Variants in DLG2 observed in about 807,000 individuals in gnomAD.
DLG2 encodes the protein disks large homolog 2.
Under a neutral mutation model 132.5 loss-of-function variants are expected in DLG2, and 45 were observed. The ratio of observed to expected loss-of-function variants is 0.34; its 90% CI spans 0.27 to 0.44. DLG2 has a LOEUF of 0.44. Ranked by LOEUF, DLG2 falls within the 20% of genes least tolerant of loss-of-function variation. DLG2 has a pLI of 1.00. For synonymous variants in DLG2, 424 were observed against 419.6 expected, an observed-to-expected ratio of 1.01 and a Z score of -0.13; for missense variants, 1,045 against 1,196.9, an observed-to-expected ratio of 0.87 and a Z score of 1.87.
At chr11:84,868,651 T>TG in intron 6 of DLG2, among the ~76,000 whole-genome samples, 1 of 152,108 alleles carries the variant, frequency 6.6e-6, no homozygotes, top group East Asian at 1.9e-4. Flanking sequence ...GGCAGGAACT[T>TG]CTCAGTCTCA....
intron 6 of DLG2, among the ~76,000 whole-genome samples, chr11:84,996,892 T>C (rs983127332): frequency 2.6e-5 from 4 of 152,128 alleles, no homozygotes; most frequent in Non-Finnish European, 5.9e-5. Context: ...ATAGGACATG[T>C]TATTTATAAA....
chr11:84,178,494 T>G (rs2096031265), intron 8 of DLG2, among the ~76,000 whole-genome samples: 2 of 152,222 alleles, frequency 1.3e-5, no homozygotes, highest in South Asian at 4.1e-4. Context: ...ATGTGAGACC[T>G]TGCACACATG....
At chr11:84,568,177 G>A (rs939456325) in intron 6 of DLG2, among the ~76,000 whole-genome samples, 1 of 152,162 alleles carries the variant, frequency 6.6e-6, no homozygotes, top group African/African-American at 2.4e-5. Context: ...GGATCTTGGT[G>A]GTACTTCTGT....
intron 6 of DLG2, among the ~76,000 whole-genome samples, chr11:84,667,499 T>TTTTG (rs1389754464): frequency 0.13 from 840 of 6,590 alleles, 8 homozygotes; most frequent in African/African-American, 0.22. Context: ...TTGTTTTTTG[T>TTTTG]TTTTTTTTTT....
chr11:83,930,052 A>G (rs1394118941), intron 15 of DLG2, among the ~76,000 whole-genome samples: 1 of 152,234 alleles, frequency 6.6e-6, no homozygotes, highest in Non-Finnish European at 1.5e-5. Flanking sequence ...CTGGAAAAAT[A>G]TAATGAATGC....
chr11:84,975,681 C>T (rs2054800698), intron 6 of DLG2, among the ~76,000 whole-genome samples: 1 of 152,084 alleles, frequency 6.6e-6, no homozygotes. Flanking sequence ...ACTGCTACTC[C>T]CTATTAAGAA....
intron 3 of DLG2, among the ~76,000 whole-genome samples, chr11:85,502,418 T>A (rs1260342274): frequency 2.0e-5 from 3 of 149,486 alleles, no homozygotes; most frequent in South Asian, 2.1e-4. Context: ...ACTTAAAGTA[T>A]AATAAAAAGA....
intron 9 of DLG2, among the ~76,000 whole-genome samples, chr11:84,131,352 G>T (rs1156421161): frequency 6.6e-6 from 1 of 151,930 alleles, no homozygotes; most frequent in African/African-American, 2.4e-5. Context: ...AAGTAGGTCT[G>T]AGCCCTTTGA....
intron 7 of DLG2, among the ~76,000 whole-genome samples, chr11:84,374,401 T>A (rs1307205392): frequency 6.6e-6 from 1 of 152,248 alleles, no homozygotes; most frequent in Non-Finnish European, 1.5e-5. Flanking sequence ...GCCCACAGGC[T>A]GCATGCAGTC....
rs1418276527 is a variant in DLG2, at chr11:83,890,387, C to A, written c.1497-15899G>T. On this transcript the variant is annotated intron_variant, in intron 15 of 27. Transcript: ENST00000376104. ...TCAGAAATGTGGTCTTTCCCCCATG[C>A]TCATAATGAACTCAGTGGCCCTAGA... 2.6e-5 allele frequency among the ~76,000 whole-genome samples: 4 copies of A among 152,046 alleles called. No individual in the cohort carries two copies. The East Asian group carries it at 5.8e-4, about 22-fold the overall frequency.
chr11:84,475,061 C>G (rs1285392614), intron 7 of DLG2, among the ~76,000 whole-genome samples: 3 of 152,072 alleles, frequency 2.0e-5, no homozygotes, highest in Non-Finnish European at 4.4e-5. Flanking sequence ...ATAAAATCTG[C>G]TAGATGTTAC....
intron 2 of DLG2, among the ~76,000 whole-genome samples, chr11:85,624,357 A>G (rs2081926016): frequency 6.6e-6 from 1 of 152,188 alleles, no homozygotes; most frequent in African/African-American, 2.4e-5. Flanking sequence ...CTAAATACCA[A>G]ATGAAAATCC....
intron 11 of DLG2, among the ~76,000 whole-genome samples, chr11:84,052,005 A>T (rs2096395566): frequency 6.6e-6 from 1 of 151,812 alleles, no homozygotes; most frequent in African/African-American, 2.4e-5. Flanking sequence ...AGTAGGTCAT[A>T]TGGGTGAGGG....
intron 6 of DLG2, among the ~76,000 whole-genome samples, chr11:84,628,197 C>G (rs928765912): frequency 1.3e-5 from 2 of 152,008 alleles, no homozygotes; most frequent in African/African-American, 2.4e-5. Flanking sequence ...CTGTAAAACA[C>G]TTAACACAGC....
intron 6 of DLG2, among the ~76,000 whole-genome samples, chr11:84,555,919 C>A (rs1452808949): frequency 6.6e-6 from 1 of 152,174 alleles, no homozygotes; most frequent in African/African-American, 2.4e-5. Context: ...ATTTAGAGAA[C>A]CTGTGCTGGT....
Position 84,345,455 on chromosome 11 carries a change from T to C in DLG2, c.520-94164A>G, listed in dbSNP as rs563810754. Among the ~76,000 whole-genome samples, 4 of 152,294 alleles carry C rather than the reference T, an allele frequency of 2.6e-5. No homozygotes were observed. In the South Asian group the frequency reaches 8.3e-4, roughly 32 times the overall value. ...TTCTAAACTCCCAAACTACTAATAA[T>C]TTTCTACCCTATTAGATTTTGCAAC... On this transcript the variant is annotated intron_variant, in intron 7 of 27. Transcript: ENST00000376104.
intron 3 of DLG2, among the ~76,000 whole-genome samples, chr11:85,513,521 T>G (rs1055420583): frequency 6.6e-6 from 1 of 152,140 alleles, no homozygotes; most frequent in Admixed American, 6.6e-5. Flanking sequence ...GTTAATTAGC[T>G]CTATGAGTTT....
At chr11:85,361,200 G>A (rs2084122989) in intron 3 of DLG2, among the ~76,000 whole-genome samples, 1 of 152,132 alleles carries the variant, frequency 6.6e-6, no homozygotes, top group Non-Finnish European at 1.5e-5. Context: ...CTGTCACCCA[G>A]GCTGGAGTGC....
intron 7 of DLG2, among the ~76,000 whole-genome samples, chr11:84,445,439 G>A (rs1396471832): frequency 6.6e-6 from 1 of 152,154 alleles, no homozygotes; most frequent in East Asian, 1.9e-4. Flanking sequence ...TTCCCTCAGA[G>A]CTTTGAAGAT....
Sources: allele counts gnomAD v4.1 joint callset (sites outside exome capture counted in the v4.1 genomes callset), GRCh38; gene constraint gnomAD v4.1.1; transcripts MANE v1.5; gene names NCBI Gene and HGNC (gene_info 2026-07-23, HGNC 2026-07-21).